KCNIP4: variants seen among roughly 807,000 people sequenced by gnomAD.
The protein encoded by KCNIP4 is potassium voltage-gated channel interacting protein 4.
In KCNIP4, 12 loss-of-function variants were observed where a neutral mutation model predicts 34.0. The ratio of observed to expected loss-of-function variants is 0.35; its 90% CI spans 0.23 to 0.57. The LOEUF is 0.57. KCNIP4 is among the 20% of genes least tolerant of loss of function. KCNIP4 has a pLI of 0.83. For missense variants in KCNIP4, 238 were observed against 311.7 expected (o/e 0.76, Z 1.78); for synonymous variants, 124 against 102.2 (o/e 1.21, Z -1.29).
In KCNIP4 at chr4:21,652,148, T is replaced by C. The variant is rs139813626; in HGVS notation, c.61+296423A>G. 7.8e-3 allele frequency among the ~76,000 whole-genome samples: 1,187 copies of C among 152,306 alleles called. 16 individuals carry two copies. The highest frequency in any genetic ancestry group is 0.027 in the African/African-American group (1,108 of 41,558). ...ATTTCTTAAGGTAAAAAAGTTGTGC[T>C]TCTCATTGATCTACCTTTTAGTGGA... On this transcript the variant is annotated intron_variant, in intron 1 of 8. Coordinates refer to ENST00000382152, the MANE Select transcript of KCNIP4 (RefSeq NM_025221.6).
At chr4:21,240,061 C>G (rs944760556) in intron 1 of KCNIP4, among the ~76,000 whole-genome samples, 8 of 151,758 alleles carry the variant, frequency 5.3e-5, no homozygotes, top group African/African-American at 1.9e-4. Flanking sequence ...ATGATGAGTT[C>G]ATGTCCTTTG....
intron 1 of KCNIP4, among the ~76,000 whole-genome samples, chr4:21,181,520 C>T (rs1197528537): frequency 2.0e-5 from 3 of 152,114 alleles, no homozygotes; most frequent in Non-Finnish European, 1.5e-5. Context: ...ATGCATCCAT[C>T]CATCCATCCA....
intron 1 of KCNIP4, among the ~76,000 whole-genome samples, chr4:21,607,737 G>A (rs533081642): frequency 4.6e-5 from 7 of 152,058 alleles, no homozygotes; most frequent in Non-Finnish European, 1.0e-4. Flanking sequence ...TGTCATGCAA[G>A]CCACTGTCCA....
intron 1 of KCNIP4, among the ~76,000 whole-genome samples, chr4:21,453,910 G>A (rs1000125053): frequency 5.9e-5 from 9 of 152,038 alleles, no homozygotes; most frequent in Non-Finnish European, 5.9e-5. Flanking sequence ...CTCACCAGCT[G>A]GTGAACGTGT....
chr4:21,916,235 C>CAGCAT (rs1172699340), intron 1 of KCNIP4, among the ~76,000 whole-genome samples: 13 of 152,190 alleles, frequency 8.5e-5, no homozygotes, highest in African/African-American at 4.8e-5. Flanking sequence ...CAGCATTGTC[C>CAGCAT]TGTGTGACGT....
At chr4:21,344,450 AC>A (rs1717086343) in intron 1 of KCNIP4, among the ~76,000 whole-genome samples, 1 of 152,152 alleles carries the variant, frequency 6.6e-6, no homozygotes, top group Admixed American at 6.6e-5. Context: ...GGTCTTGGAA[AC>A]CAAATTGCAA....
rs74366535 is a variant in KCNIP4, at chr4:20,885,854, C to T, written c.62-3145G>A. ...TACTGTCTCAGGGCCTTTTCACATG[C>T]TATTATCTGAATCTAAACTTCTGCT... is the stretch of plus-strand genomic sequence containing the variant. On this transcript the variant is annotated intron_variant, in intron 1 of 8. Coordinates refer to ENST00000382152, the MANE Select transcript of KCNIP4 (RefSeq NM_025221.6). 3.3e-5 allele frequency among the ~76,000 whole-genome samples: 5 copies of T among 152,166 alleles called. No individual in the cohort carries two copies. In the East Asian group the frequency reaches 9.6e-4, roughly 29 times the overall value.
intron 1 of KCNIP4, among the ~76,000 whole-genome samples, chr4:21,077,322 T>G (rs1312722841): frequency 1.3e-5 from 2 of 152,064 alleles, no homozygotes; most frequent in Non-Finnish European, 2.9e-5. Context: ...GAAGAAAAAG[T>G]AAAAGTTAAA....
At chr4:21,635,050 T>C (rs1298577186) in intron 1 of KCNIP4, among the ~76,000 whole-genome samples, 1 of 152,174 alleles carries the variant, frequency 6.6e-6, no homozygotes, top group African/African-American at 2.4e-5. Flanking sequence ...AAGTTAGTCA[T>C]CTAAAATTCT....
chr4:21,876,811 T>C (rs1031388804), intron 1 of KCNIP4, among the ~76,000 whole-genome samples: 6 of 152,244 alleles, frequency 3.9e-5, no homozygotes, highest in Middle Eastern at 3.4e-3. Flanking sequence ...ACATTTATTT[T>C]ATATACATGA....
intron 1 of KCNIP4, among the ~76,000 whole-genome samples, chr4:21,118,668 G>T (rs1386937295): frequency 6.6e-6 from 1 of 152,132 alleles, no homozygotes; most frequent in Non-Finnish European, 1.5e-5. Context: ...GTGGTGGGGG[G>T]TGGTGGTGCG....
At chr4:21,158,635 C>T (rs1753338991) in intron 1 of KCNIP4, among the ~76,000 whole-genome samples, 2 of 152,110 alleles carry the variant, frequency 1.3e-5, no homozygotes, top group Non-Finnish European at 2.9e-5. Context: ...CAAAAGGAAA[C>T]TTCCTCAGTG....
intron 1 of KCNIP4, among the ~76,000 whole-genome samples, chr4:21,242,906 GTGTGTGTGTGTA>G (rs1170194954): frequency 1.8e-5 from 2 of 108,154 alleles, no homozygotes; most frequent in Non-Finnish European, 3.8e-5. Flanking sequence ...GTGTGTGTGT[GTGTGTGTGTGTA>G]TTGCTTTTTT....
At chr4:21,816,583 A>G (rs546539713) in intron 1 of KCNIP4, among the ~76,000 whole-genome samples, 3 of 152,010 alleles carry the variant, frequency 2.0e-5, no homozygotes, top group Non-Finnish European at 2.9e-5. Flanking sequence ...CTCCCAGTAC[A>G]CAGCACCACC....
At chr4:21,429,323 A>T (rs186934501) in intron 1 of KCNIP4, among the ~76,000 whole-genome samples, 1 of 150,896 alleles carries the variant, frequency 6.6e-6, no homozygotes, top group Non-Finnish European at 1.5e-5. Context: ...TTGATAACTC[A>T]TTTTTTTTTA....
intron 3 of KCNIP4, among the ~76,000 whole-genome samples, chr4:20,779,579 C>CG (rs1756675369): frequency 8.8e-6 from 1 of 113,782 alleles, no homozygotes; most frequent in Non-Finnish European, 1.9e-5. Context: ...CCCCACAACC[C>CG]CCCCCCCCCA....
At chr4:20,906,229 G>A (rs1055567440) in intron 1 of KCNIP4, among the ~76,000 whole-genome samples, 1 of 151,858 alleles carries the variant, frequency 6.6e-6, no homozygotes, top group Non-Finnish European at 1.5e-5. Context: ...TGTGCCTATT[G>A]GGCTGCTTTT....
intron 1 of KCNIP4, among the ~76,000 whole-genome samples, chr4:21,501,691 T>TGTGTGTGTGTGTGTGTGTGTGTGTG (rs1733361056): frequency 6.8e-6 from 1 of 147,658 alleles, no homozygotes; most frequent in Non-Finnish European, 1.5e-5. Context: ...AGAAGCCTTG[T>TGTGTGTGTGTGTGTGTGTGTGTGTG]GTGTGTGTGT....
intron 1 of KCNIP4, among the ~76,000 whole-genome samples, chr4:21,448,521 T>C (rs970849714): frequency 6.6e-6 from 1 of 152,154 alleles, no homozygotes; most frequent in East Asian, 1.9e-4. Context: ...TATGGCCTGA[T>C]TTCTTCTCAT....
Sources: allele counts gnomAD v4.1 joint callset (sites outside exome capture counted in the v4.1 genomes callset), GRCh38; gene constraint gnomAD v4.1.1; transcripts MANE v1.5; gene names NCBI Gene and HGNC (gene_info 2026-07-23, HGNC 2026-07-21).